Variants in MAP4K4 observed in about 807,000 individuals in gnomAD.
The protein encoded by MAP4K4 is mitogen-activated protein kinase kinase kinase kinase 4.
Under a neutral mutation model 189.6 loss-of-function variants are expected in MAP4K4, and 38 were observed. The ratio of observed to expected loss-of-function variants is 0.20; its 90% confidence interval spans 0.15 to 0.26. The LOEUF is 0.26. MAP4K4 is among the 10% of genes least tolerant of loss of function. The pLI is 1.00. For synonymous variants in MAP4K4, 610 were observed against 624.3 expected, an observed-to-expected ratio of 0.98 and a Z score of 0.34; for missense variants, 1,054 against 1,726.9, an observed-to-expected ratio of 0.61 and a Z score of 6.91.
At chr2:101,870,225 G>A (rs960465651) in intron 22 of MAP4K4, 70 bp from the exon 23 acceptor site, 13 of 1,535,712 alleles carry the variant, frequency 8.5e-6, no homozygotes, top group East Asian at 2.3e-5. Flanking sequence ...TTGAGAAGGC[G>A]AAAAGCCTAA....
At chr2:101,877,538 C>G (rs1453310749) in intron 27 of MAP4K4, among the ~76,000 whole-genome samples, 1 of 149,606 alleles carries the variant, frequency 6.7e-6, no homozygotes, top group Non-Finnish European at 1.5e-5. Flanking sequence ...TGCAGTGGCG[C>G]GATCTTGGCT....
intron 5 of MAP4K4, 126 bp downstream of exon 5, chr2:101,825,555 G>T (rs1209147472): frequency 3.9e-6 from 2 of 518,134 alleles, no homozygotes; most frequent in Non-Finnish European, 6.8e-6. Flanking sequence ...GACAGCCAAG[G>T]GTTCTGTATA....
intron 9 of MAP4K4, among the ~76,000 whole-genome samples, chr2:101,838,552 T>G (rs986437515): frequency 1.3e-5 from 2 of 152,218 alleles, no homozygotes; most frequent in African/African-American, 4.8e-5. Context: ...TTCTCTGTCC[T>G]ACCTTATGAA....
chr2:101,864,947 A>G, exon 18 of MAP4K4: 1 of 1,574,146 alleles, frequency 6.4e-7, no homozygotes, highest in African/African-American at 1.4e-5. Context: ...TGAGAACAAC[A>G]TCTCGCTCCC....
At chr2:101,781,230 C>T (rs1046892598) in intron 2 of MAP4K4, among the ~76,000 whole-genome samples, 8 of 152,140 alleles carry the variant, frequency 5.3e-5, no homozygotes, top group African/African-American at 9.7e-5. Flanking sequence ...GTTGTAGTAG[C>T]GACTGCAAGG....
At chr2:101,746,789 C>T (rs867403589) in intron 2 of MAP4K4, among the ~76,000 whole-genome samples, 1 of 151,858 alleles carries the variant, frequency 6.6e-6, no homozygotes, top group Non-Finnish European at 1.5e-5. Flanking sequence ...TTTTTTCCTC[C>T]CTTGACTTAG....
At chr2:101,835,807 G>A (rs2096733631) in intron 8 of MAP4K4, 93 bp from the exon 9 acceptor site, 1 of 824,322 alleles carries the variant, frequency 1.2e-6, no homozygotes, top group Admixed American at 2.0e-5. Context: ...CAGACGATGG[G>A]CCAGAGCATT....
chr2:101,808,996 A>G (rs1244042807), intron 3 of MAP4K4, among the ~76,000 whole-genome samples: 1 of 152,178 alleles, frequency 6.6e-6, no homozygotes, highest in East Asian at 1.9e-4. Context: ...ACTCAAGGAA[A>G]GCCCCCAGTC....
intron 2 of MAP4K4, among the ~76,000 whole-genome samples, chr2:101,728,238 T>C (rs2056624886): frequency 6.6e-6 from 1 of 152,146 alleles, no homozygotes; most frequent in South Asian, 2.1e-4. Context: ...TCCTCTCCCC[T>C]GGGGGGCTTG....
chr2:101,858,493 G>T (rs1035448929), intron 13 of MAP4K4, among the ~76,000 whole-genome samples: 4 of 152,164 alleles, frequency 2.6e-5, no homozygotes, highest in African/African-American at 9.7e-5. Flanking sequence ...GTCATTCCAG[G>T]TGCCTTTGGA....
At chr2:101,822,418 G>A (rs564350658) in intron 3 of MAP4K4, among the ~76,000 whole-genome samples, 6 of 152,184 alleles carry the variant, frequency 3.9e-5, no homozygotes, top group Admixed American at 6.5e-5. Context: ...TTTATATTTC[G>A]GAACCAAGCT....
At position 101,831,703 on chromosome 2, in the gene MAP4K4, T is replaced by C. The variant is rs761570896; in HGVS notation, c.509-18T>C. Reference sequence around the variant, plus strand: ...TTGTGTTTATCTTTCTTTATCTGCCTTTTTCTTCCTCCCACAGTTGACTTT... The same window carrying C: ...TTGTGTTTATCTTTCTTTATCTGCCCTTTTCTTCCTCCCACAGTTGACTTT... On this transcript the variant is annotated intron_variant, in intron 6 of 32. Transcript: ENST00000324219. The C allele has an allele frequency of 3.5e-5, 50 of 1,436,104 alleles. No individual in the cohort carries two copies. The highest frequency in any genetic ancestry group is 4.4e-5 in the Non-Finnish European group (47 of 1,057,448). 89.0% of individuals were successfully genotyped at this position (1,436,104 alleles called of 1,614,324 possible).
exon 30 of MAP4K4, chr2:101,887,162 C>T (rs1559345719): frequency 6.2e-7 from 1 of 1,610,940 alleles, no homozygotes; most frequent in Non-Finnish European, 8.5e-7. Context: ...TGAAAGTGAT[C>T]TATGGATCCT....
At chr2:101,771,500 A>G (rs1436155124) in intron 2 of MAP4K4, among the ~76,000 whole-genome samples, 1 of 152,042 alleles carries the variant, frequency 6.6e-6, no homozygotes, top group Non-Finnish European at 1.5e-5. Context: ...TTCTTCTTTC[A>G]TGTGTTTTCC....
At chr2:101,798,225 C>A (rs1489473787) in intron 3 of MAP4K4, among the ~76,000 whole-genome samples, 1 of 151,700 alleles carries the variant, frequency 6.6e-6, no homozygotes, top group Non-Finnish European at 1.5e-5. Context: ...TCTAATCATT[C>A]CCTGTGAAAT....
In MAP4K4 at chr2:101,817,002, A is replaced by AT. The variant is rs5832989; in HGVS notation, c.181-6913dup. 1.9e-3 allele frequency among the ~76,000 whole-genome samples: 280 copies of AT among 145,492 alleles called. 1 individual carries two copies. Among genetic ancestry groups the AT allele is most frequent in the South Asian group, 3.5e-3 (16 of 4,598 alleles). ...CCAAACTTTTCTATCCTAAACTCTTATTTTTTTTTTTTTCCAAATTAGGAA... is the reference window on the plus strand; with the variant it reads ...CCAAACTTTTCTATCCTAAACTCTTATTTTTTTTTTTTTTCCAAATTAGGAA... On this transcript the variant is annotated intron_variant, in intron 3 of 32. Coordinates refer to ENST00000324219, the Ensembl canonical transcript of MAP4K4.
chr2:101,860,701 C>CT, intron 15 of MAP4K4, 124 bp from the exon 16 acceptor site: 1 of 784,490 alleles, frequency 1.3e-6, no homozygotes, highest in Non-Finnish European at 2.0e-6. Flanking sequence ...CTACCCCTCT[C>CT]TTTTCTGGTA....
intron 12 of MAP4K4, among the ~76,000 whole-genome samples, chr2:101,854,978 C>T (rs1392547399): frequency 6.6e-6 from 1 of 152,194 alleles, no homozygotes; most frequent in African/African-American, 2.4e-5. Context: ...TCATTAGCAA[C>T]ACGTGACTAG....
At chr2:101,864,301 A>C (rs113643963) in intron 17 of MAP4K4, among the ~76,000 whole-genome samples, 15 of 152,326 alleles carry the variant, frequency 9.8e-5, no homozygotes, top group Non-Finnish European at 1.3e-4. Flanking sequence ...AAGTCTACAA[A>C]GAATAGGCTT....
Sources: allele counts gnomAD v4.1 joint callset (sites outside exome capture counted in the v4.1 genomes callset), GRCh38; gene constraint gnomAD v4.1.1; transcripts MANE v1.5; gene names NCBI Gene and HGNC (gene_info 2026-07-23, HGNC 2026-07-21).